Variants in TNR observed in about 807,000 individuals in gnomAD.
TNR encodes the protein tenascin R.
Under a neutral mutation model 150.4 loss-of-function variants are expected in TNR, and 45 were observed. The observed-to-expected ratio is 0.30, with a 90% CI of 0.24 to 0.38. The LOEUF (loss-of-function observed/expected upper bound fraction) is 0.38, where lower values mean the gene tolerates loss of function less well. TNR is among the 10% of genes least tolerant of loss of function. TNR has a pLI of 1.00. For synonymous variants in TNR, 687 were observed against 678.4 expected (o/e 1.01, Z -0.20); for missense variants, 1,544 against 1,759.1 (o/e 0.88, Z 2.19).
chr1:175,414,217 C>T (rs894107638), intron 2 of TNR, among the ~76,000 whole-genome samples: 11 of 150,822 alleles, frequency 7.3e-5, no homozygotes, highest in South Asian at 2.1e-4. Context: ...ACCCAGTTTA[C>T]GGTATTTTCT....
At chr1:175,723,940 G>A (rs1430275384) in intron 1 of TNR, among the ~76,000 whole-genome samples, 1 of 151,966 alleles carries the variant, frequency 6.6e-6, no homozygotes, top group African/African-American at 2.4e-5. Context: ...TATATATAAA[G>A]TATATGTTTA....
In TNR at chr1:175,317,268, GCT is replaced by G. The variant is rs1487075691; in HGVS notation, c.*6087_*6088del. The G allele has an allele frequency of 6.6e-6, 1 of 152,306 alleles. No individual in the cohort carries two copies. Among genetic ancestry groups the G allele is most frequent in the East Asian group, 1.9e-4 (1 of 5,184 alleles). 9.4% of individuals were successfully genotyped at this position (152,306 alleles called of 1,614,324 possible). On this transcript the variant is annotated 3_prime_UTR_variant, in exon 23 of 23. Coordinates refer to ENST00000367674, the MANE Select transcript of TNR (RefSeq NM_003285.3). The stretch of plus-strand genomic sequence containing the variant: ...AAAGCCTATACCAGACCCGAACTCA[GCT>G]CTGTTACTAATTGCCTGTGTGAATG...
intron 1 of TNR, among the ~76,000 whole-genome samples, chr1:175,611,934 A>T (rs1352605295): frequency 6.6e-6 from 1 of 152,224 alleles, no homozygotes; most frequent in Non-Finnish European, 1.5e-5. Context: ...AAAACAAAGA[A>T]CCGACAAGTA....
At chr1:175,701,721 A>C (rs1666700508) in intron 1 of TNR, among the ~76,000 whole-genome samples, 1 of 152,250 alleles carries the variant, frequency 6.6e-6, no homozygotes, top group Non-Finnish European at 1.5e-5. Context: ...AAATTCCAGC[A>C]TTGGGTGAGA....
intron 1 of TNR, among the ~76,000 whole-genome samples, chr1:175,627,685 C>T (rs1458461211): frequency 6.6e-6 from 1 of 152,154 alleles, no homozygotes; most frequent in Middle Eastern, 3.4e-3. Flanking sequence ...ATCATAATTG[C>T]CATCCCCCAT....
intron 2 of TNR, among the ~76,000 whole-genome samples, chr1:175,523,517 C>T (rs541735985): frequency 6.6e-6 from 1 of 152,290 alleles, no homozygotes; most frequent in Admixed American, 6.5e-5. Flanking sequence ...GATTGCAATA[C>T]AAGTTGAATA....
At chr1:175,440,859 G>A (rs1655753238) in intron 2 of TNR, among the ~76,000 whole-genome samples, 1 of 152,088 alleles carries the variant, frequency 6.6e-6, no homozygotes, top group African/African-American at 2.4e-5. Flanking sequence ...GAATAGAGAG[G>A]ATATTTGGTG....
rs113552676 is a variant in TNR, at chr1:175,546,250, C to G, written c.-164-17881G>C. ...CAGAGCAAGGGCACATGGAAGAAGA[C>G]CCGGCTGTTTCTGAAATGAGTTACC... On this transcript the variant is annotated intron_variant, in intron 1 of 22. Coordinates refer to ENST00000367674, the MANE Select transcript of TNR (RefSeq NM_003285.3). 9.2e-3 allele frequency among the ~76,000 whole-genome samples: 1,396 copies of G among 152,284 alleles called. 13 individuals carry two copies. The highest frequency in any genetic ancestry group is 0.012 in the Non-Finnish European group (842 of 68,022).
chr1:175,723,531 A>C (rs773382255), intron 1 of TNR, among the ~76,000 whole-genome samples: 3 of 152,216 alleles, frequency 2.0e-5, no homozygotes, highest in African/African-American at 4.8e-5. Flanking sequence ...TTAACTAAGT[A>C]GTCTTATATA....
At chr1:175,454,962 C>T (rs1656500550) in intron 2 of TNR, among the ~76,000 whole-genome samples, 1 of 152,148 alleles carries the variant, frequency 6.6e-6, no homozygotes, top group African/African-American at 2.4e-5. Context: ...ATTGCTTCAA[C>T]TAATAGAGGA....
chr1:175,675,293 G>A (rs1478110925), intron 1 of TNR, among the ~76,000 whole-genome samples: 2 of 152,158 alleles, frequency 1.3e-5, no homozygotes, highest in South Asian at 2.1e-4. Flanking sequence ...TACAAGCCTC[G>A]TTACTGAACC....
chr1:175,490,472 C>T (rs1175022448), intron 2 of TNR, among the ~76,000 whole-genome samples: 1 of 152,142 alleles, frequency 6.6e-6, no homozygotes, highest in Non-Finnish European at 1.5e-5. Flanking sequence ...GCAATCTATC[C>T]ATCTGACGAA....
At chr1:175,419,767 C>A (rs1654668140) in intron 2 of TNR, among the ~76,000 whole-genome samples, 1 of 152,192 alleles carries the variant, frequency 6.6e-6, no homozygotes, top group South Asian at 2.1e-4. Flanking sequence ...CAAGTGTGAG[C>A]CACCGCACCT....
intron 2 of TNR, among the ~76,000 whole-genome samples, chr1:175,426,105 C>T (rs115117802): frequency 0.011 from 1,692 of 152,250 alleles, 39 homozygotes; most frequent in African/African-American, 0.039. Context: ...GGAGACTCAG[C>T]CTCCAAGAGA....
chr1:175,706,158 C>G (rs1330340096), intron 1 of TNR, among the ~76,000 whole-genome samples: 1 of 152,160 alleles, frequency 6.6e-6, no homozygotes, highest in Non-Finnish European at 1.5e-5. Context: ...ATTTAAAAAA[C>G]TCATTCCATA....
intron 1 of TNR, among the ~76,000 whole-genome samples, chr1:175,645,833 G>A (rs924972618): frequency 6.6e-6 from 1 of 152,206 alleles, no homozygotes; most frequent in Non-Finnish European, 1.5e-5. Flanking sequence ...AAACTAAAAA[G>A]CAGTTGCTTT....
rs527598697 is a variant in TNR at position 175,493,459 on chromosome 1, C to T, written c.-64+34810G>A. On this transcript the variant is annotated intron_variant, in intron 2 of 22. Transcript: ENST00000367674. ...CTCAGGCCACTAGAAGAGACCAGGG[C>T]GGCCTCTCTGGCCCTTGATGTGCTA... is the stretch of plus-strand genomic sequence containing the variant. 2.3e-4 allele frequency among the ~76,000 whole-genome samples: 35 copies of T among 152,312 alleles called. No individual in the cohort carries two copies. The South Asian group carries it at 6.4e-3, about 28-fold the overall frequency.
intron 1 of TNR, among the ~76,000 whole-genome samples, chr1:175,556,109 G>A (rs958524699): frequency 2.2e-4 from 33 of 152,222 alleles, no homozygotes; most frequent in Non-Finnish European, 2.9e-4. Context: ...TAAGAAGACC[G>A]ACGGCCTTTT....
intron 1 of TNR, among the ~76,000 whole-genome samples, chr1:175,658,253 G>A (rs372167319): frequency 6.6e-6 from 1 of 152,118 alleles, no homozygotes; most frequent in Non-Finnish European, 1.5e-5. Context: ...GTGCAGGAAT[G>A]AGGTGCTACT....
Sources: gnomAD v4.1 joint callset for allele counts (sites outside exome capture counted in the v4.1 genomes callset) on GRCh38, gnomAD v4.1.1 for gene constraint, MANE v1.5 for transcripts, NCBI Gene and HGNC (gene_info 2026-07-23, HGNC 2026-07-21) for gene names.